The following HPDL variants were observed in gnomAD, a reference collection of about 807,000 sequenced individuals.
HPDL encodes 4-hydroxyphenylpyruvate dioxygenase like, also known as 4-hydroxyphenylpyruvate dioxygenase-like protein.
HPDL carries 7 observed loss-of-function variants against 9.8 expected under a neutral mutation model. The observed-to-expected ratio is 0.71, with a 90% CI of 0.41 to 1.34. The LOEUF (loss-of-function observed/expected upper bound fraction) is 1.34, where lower values mean the gene tolerates loss of function less well. Ranked by LOEUF, HPDL falls within the 40% of genes most tolerant of loss-of-function variation. The probability of loss-of-function intolerance (pLI) is 0.01; values close to 1 mark genes in which losing one functional copy is unlikely to be tolerated. For missense variants in HPDL, 530 were observed against 495.1 expected (o/e 1.07, Z -0.67); for synonymous variants, 250 against 228.2 (o/e 1.10, Z -0.86).
chr1:45,327,468 T>C lies in HPDL; in HGVS notation c.320T>C (p.Val107Ala). The C allele has an allele frequency of 6.3e-7, 1 of 1,591,394 alleles. No individual in the cohort carries two copies. Among genetic ancestry groups the C allele is most frequent in the Non-Finnish European group, 8.5e-7 (1 of 1,175,148 alleles). ...ALGCSVPVPP[V>A]RVRDAQGAAT... is the part of the protein sequence containing the mutation. ...GGCTGCAGCGTGCCTGTCCCTCCCG[T>C]TCGCGTGCGGGACGCGCAGGGTGCC... The change falls in exon 1 of 1, where the codon GTT (valine) becomes GCT (alanine). Residue 107 changes from valine (V) to alanine (A), a missense_variant. By Grantham distance (64) the Val-to-Ala change is moderately conservative (BLOSUM62 0). Coordinates refer to ENST00000334815, the MANE Select transcript of HPDL (RefSeq NM_032756.4). This position sits in a 1 kb window ranked among gnomAD's most constrained non-coding sequence, Gnocchi z 6.3.
rs1644242143 is a variant in HPDL at position 45,327,213 on chromosome 1, C to T, written c.65C>T (p.Ala22Val). Reference sequence around the variant, plus strand: ...CACGTGCCCGCCGGGCAGCCCCTAGCCCGGAACCTGCAGCGCCTCTTCGGC... The same window carrying T: ...CACGTGCCCGCCGGGCAGCCCCTAGTCCGGAACCTGCAGCGCCTCTTCGGC... ...AFHVPAGQPL[A>V]RNLQRLFGFQ... The change falls in exon 1 of 1, where the codon GCC becomes GTC. Residue 22 changes from alanine to valine, a missense_variant. Ala to Val is a moderately conservative substitution (Grantham distance 64). Coordinates refer to ENST00000334815, the MANE Select transcript of HPDL (RefSeq NM_032756.4). The surrounding 1 kb of genome is among the most constrained non-coding windows in gnomAD (Gnocchi z 6.3). 6.2e-7 allele frequency: 1 copy of T among 1,602,282 alleles called. No individual in the cohort carries two copies. Among genetic ancestry groups the T allele is most frequent in the Non-Finnish European group, 8.5e-7 (1 of 1,174,782 alleles).
chr1:45,328,325 T>C lies in HPDL; in HGVS notation c.*61T>C. On this transcript the variant is annotated 3_prime_UTR_variant, in exon 1 of 1. Transcript: ENST00000334815. ...AGCTCTGGGGAGACCAGCACAGAAC[T>C]GAGGAACATCTGCAGGAGGCCCAAC... is the stretch of plus-strand genomic sequence containing the variant. The C allele has an allele frequency of 2.0e-6, 3 of 1,532,530 alleles. No individual in the cohort carries two copies. The highest frequency in any genetic ancestry group is 2.6e-6 in the Non-Finnish European group (3 of 1,134,380). 94.9% of individuals were successfully genotyped at this position (1,532,530 alleles called of 1,614,324 possible).
rs753787033 is a variant in HPDL at position 45,327,402 on chromosome 1, TG to T, written c.256del (p.Ala86ArgfsTer45). 5 of 1,585,542 alleles carry T rather than the reference TG, an allele frequency of 3.2e-6. No homozygotes were observed. Among genetic ancestry groups the T allele is most frequent in the South Asian group, 1.1e-5 (1 of 88,742 alleles). On this transcript the variant is annotated frameshift_variant, in exon 1 of 1. Coordinates refer to ENST00000334815, the MANE Select transcript of HPDL (RefSeq NM_032756.4). LOFTEE classifies it low-confidence loss of function (END_TRUNC). The surrounding 1 kb of genome is among the most constrained non-coding windows in gnomAD (Gnocchi z 6.3). ...AGCGCCACAAACCTGTGCTTCGACGTGGCGGACGCCGGCGCTGCAACCCGGG... is the reference window on the plus strand; with the variant it reads ...AGCGCCACAAACCTGTGCTTCGACGTGCGGACGCCGGCGCTGCAACCCGGG... ...VPSATNLCFD[V>X]ADAGAATREL...
rs754579929 is a variant in HPDL at position 45,327,415 on chromosome 1, C to T, written c.267C>T (p.Gly89=). Residue 89 remains glycine, a synonymous_variant, in exon 1 of 1, where the codon GGC becomes GGT. Coordinates refer to ENST00000334815, the MANE Select transcript of HPDL (RefSeq NM_032756.4). The surrounding 1 kb of genome is among the most constrained non-coding windows in gnomAD (Gnocchi z 6.3). The stretch of plus-strand genomic sequence containing the variant: ...TGTGCTTCGACGTGGCGGACGCCGG[C>T]GCTGCAACCCGGGAGCTGGCAGCGC... ...TNLCFDVADA[G]AATRELAALG... is the part of the protein sequence containing the mutation. 2.0e-5 allele frequency: 31 copies of T among 1,584,444 alleles called. No homozygotes were observed. Among genetic ancestry groups the T allele is most frequent in the Middle Eastern group, 1.7e-4 (1 of 6,008 alleles).
Position 45,327,032 on chromosome 1 carries a change from C to A in HPDL, c.-117C>A, listed in dbSNP as rs1003958739. ...GGAAGAAAGCGAGGAACGCGCTCTG[C>A]GGGGTGAGCCGGACTCCCCAACTCC... On this transcript the variant is annotated 5_prime_UTR_variant, in exon 1 of 1. Transcript: ENST00000334815. This position sits in a 1 kb window ranked among gnomAD's most constrained non-coding sequence, Gnocchi z 6.3. The A allele has an allele frequency of 1.9e-6, 2 of 1,043,018 alleles. No homozygotes were observed. The highest frequency in any genetic ancestry group is 2.6e-6 in the Non-Finnish European group (2 of 768,684). 64.6% of individuals were successfully genotyped at this position (1,043,018 alleles called of 1,614,324 possible).
chr1:45,328,074 G>T lies in HPDL; in HGVS notation c.926G>T (p.Arg309Leu). The T allele has an allele frequency of 6.2e-7, 1 of 1,614,250 alleles. No homozygotes were observed. Among genetic ancestry groups the T allele is most frequent in the Non-Finnish European group, 8.5e-7 (1 of 1,180,036 alleles). The change falls in exon 1 of 1, where the codon CGA (arginine) becomes CTA (leucine). Residue 309 changes from arginine to leucine, a missense_variant. Physicochemically the swap from Arg to Leu is moderately radical, Grantham distance 102. Coordinates refer to ENST00000334815, the MANE Select transcript of HPDL (RefSeq NM_032756.4). ...AAGHEPHLLA[R>L]QGILLDGDKG... The stretch of plus-strand genomic sequence containing the variant: ...GGGCACGAGCCTCATCTGCTTGCTC[G>T]ACAGGGGATCCTGCTAGATGGTGAT...
rs752764598 is a variant in HPDL at position 45,327,242 on chromosome 1, C to T, written c.94C>T (p.Gln32Ter). The change falls in exon 1 of 1, where the codon CAG becomes TAG. Residue 32 changes from glutamine to a stop codon, truncating the protein, a stop_gained. Coordinates refer to ENST00000334815, the MANE Select transcript of HPDL (RefSeq NM_032756.4). LOFTEE classifies it low-confidence loss of function (END_TRUNC). This position sits in a 1 kb window ranked among gnomAD's most constrained non-coding sequence, Gnocchi z 6.3. ...GAACCTGCAGCGCCTCTTCGGCTTC[C>T]AGCCCCTGGCTTCGCGGGAGGTGGA... ...ARNLQRLFGFQPLASREVDGW... is the reference protein window; with the variant it reads ...ARNLQRLFGF 5 of 1,604,926 alleles carry T rather than the reference C, an allele frequency of 3.1e-6. No homozygotes were observed. Among genetic ancestry groups the T allele is most frequent in the Middle Eastern group, 1.6e-4 (1 of 6,068 alleles).
Position 45,328,281 on chromosome 1 carries a change from G to A in HPDL, c.*17G>A, listed in dbSNP as rs368590349. ...GAAGCCTAAGGATGCCCAGGGCTGG[G>A]TGCAGCCAGCTGTCCTGCAGCTCTG... On this transcript the variant is annotated 3_prime_UTR_variant, in exon 1 of 1. Transcript: ENST00000334815. 9.9e-6 allele frequency: 16 copies of A among 1,609,622 alleles called. No individual in the cohort carries two copies. The African/African-American group carries it at 2.1e-4, about 22-fold the overall frequency.
In HPDL at chr1:45,328,119, A is replaced by T; in HGVS notation, c.971A>T (p.Gln324Leu). 6.2e-7 allele frequency: 1 copy of T among 1,614,242 alleles called. No individual in the cohort carries two copies. The highest frequency in any genetic ancestry group is 8.5e-7 in the Non-Finnish European group (1 of 1,180,048). ...LDGDKGKFLLQVFTKSLFTED... is the reference protein window; with the variant it reads ...LDGDKGKFLLLVFTKSLFTED... ...GGTGATAAAGGCAAGTTTCTGCTTC[A>T]GGTCTTCACCAAGTCCCTTTTTACT... Residue 324 changes from glutamine (Q) to leucine (L), a missense_variant, in exon 1 of 1, where the codon CAG becomes CTG. Physicochemically the swap from Gln to Leu is moderately radical, Grantham distance 113. Transcript: ENST00000334815.
chr1:45,326,967 G>A lies in HPDL; in HGVS notation c.-182G>A. 1.8e-6 allele frequency: 1 copy of A among 566,808 alleles called. No individual in the cohort carries two copies. The highest frequency in any genetic ancestry group is 2.8e-6 in the Non-Finnish European group (1 of 352,802). 35.1% of individuals were successfully genotyped at this position (566,808 alleles called of 1,614,324 possible). ...CCTGGCTGGGGTGGCGCTGCAGGGA[G>A]AACCGCGAGCTCTCAGGGGTCGGCG... is the stretch of plus-strand genomic sequence containing the variant. On this transcript the variant is annotated 5_prime_UTR_variant, in exon 1 of 1. Transcript: ENST00000334815.
chr1:45,327,016 C>T lies in HPDL; in HGVS notation c.-133C>T. On this transcript the variant is annotated 5_prime_UTR_variant, in exon 1 of 1. Coordinates refer to ENST00000334815, the MANE Select transcript of HPDL (RefSeq NM_032756.4). This position sits in a 1 kb window ranked among gnomAD's most constrained non-coding sequence, Gnocchi z 6.3. ...CGGGTGACTTCTTTCCGGAAGAAAGCGAGGAACGCGCTCTGCGGGGTGAGC... is the reference window on the plus strand; with the variant it reads ...CGGGTGACTTCTTTCCGGAAGAAAGTGAGGAACGCGCTCTGCGGGGTGAGC... The T allele has an allele frequency of 1.1e-6, 1 of 924,276 alleles. No individual in the cohort carries two copies. The highest frequency in any genetic ancestry group is 1.5e-6 in the Non-Finnish European group (1 of 669,576). The allele number at this position is 924,276 out of a possible 1,614,324, so 57.3% of individuals were successfully genotyped here. A position where few individuals can be genotyped will look rare whatever the true frequency, so the allele number is the denominator to read the frequency against.
chr1:45,327,697 C>T lies in HPDL; in HGVS notation c.549C>T (p.Cys183=). ...SPTLLRWFHD[C]LGFCHLPLSP... is the part of the protein sequence containing the mutation. ...CACTTTTGCGCTGGTTCCACGACTG[C>T]CTGGGCTTTTGCCACTTGCCGCTGA... The change falls in exon 1 of 1, where the codon TGC becomes TGT. Residue 183 remains cysteine, a synonymous_variant. Coordinates refer to ENST00000334815, the MANE Select transcript of HPDL (RefSeq NM_032756.4). The surrounding 1 kb of genome is among the most constrained non-coding windows in gnomAD (Gnocchi z 6.3). 1 of 1,610,578 alleles carries T rather than the reference C, an allele frequency of 6.2e-7. No homozygotes were observed. Among genetic ancestry groups the T allele is most frequent in the Non-Finnish European group, 8.5e-7 (1 of 1,177,840 alleles).
chr1:45,328,584 A>G lies in HPDL; in HGVS notation c.*320A>G, dbSNP rs1438135899. The G allele has an allele frequency of 7.0e-6, 2 of 286,438 alleles. No homozygotes were observed. The highest frequency in any genetic ancestry group is 4.7e-5 in the Admixed American group (1 of 21,312). 17.7% of individuals were successfully genotyped at this position (286,438 alleles called of 1,614,324 possible). On this transcript the variant is annotated 3_prime_UTR_variant, in exon 1 of 1. Coordinates refer to ENST00000334815, the MANE Select transcript of HPDL (RefSeq NM_032756.4). ...CCTCCCTGTGTCCCGCTGTGATTCT[A>G]TTTCCTCCCACCCACTCCTCAAATC... is the stretch of plus-strand genomic sequence containing the variant.
At chr1:45,328,703 AAACAG>A (rs912951230) in exon 1 of HPDL, among the ~76,000 whole-genome samples, 1 of 151,836 alleles carries the variant, frequency 6.6e-6, no homozygotes, top group African/African-American at 2.4e-5. Flanking sequence ...TAGGAATTTA[AAACAG>A]AACAAATCTT....
chr1:45,327,145 C>G lies in HPDL; in HGVS notation c.-4C>G. ...GACAAGTCTAGGTCGCCGTCCAGAG[C>G]GCCATGGCCGCGCCCGCCCTTCGTT... On this transcript the variant is annotated 5_prime_UTR_variant, in exon 1 of 1. Coordinates refer to ENST00000334815, the MANE Select transcript of HPDL (RefSeq NM_032756.4). The surrounding 1 kb of genome is among the most constrained non-coding windows in gnomAD (Gnocchi z 6.3). 1 of 1,546,922 alleles carries G rather than the reference C, an allele frequency of 6.5e-7. No individual in the cohort carries two copies. The highest frequency in any genetic ancestry group is 1.2e-5 in the South Asian group (1 of 82,336).
chr1:45,328,049 G>A lies in HPDL; in HGVS notation c.901G>A (p.Gly301Arg). 2 of 1,614,234 alleles carry A rather than the reference G, an allele frequency of 1.2e-6. No homozygotes were observed. Among genetic ancestry groups the A allele is most frequent in the South Asian group, 1.1e-5 (1 of 91,090 alleles). ...AAAGGAGAGGCAGATCCGAGCTGCA[G>A]GGCACGAGCCTCATCTGCTTGCTCG... ...PGKERQIRAA[G>R]HEPHLLARQG... Residue 301 changes from glycine (G) to arginine (R), a missense_variant, in exon 1 of 1, where the codon GGG becomes AGG. Coordinates refer to ENST00000334815, the MANE Select transcript of HPDL (RefSeq NM_032756.4).
Position 45,327,385 on chromosome 1 carries a change from A to C in HPDL, c.237A>C (p.Thr79=). 2 of 1,586,994 alleles carry C rather than the reference A, an allele frequency of 1.3e-6. No individual in the cohort carries two copies. Among genetic ancestry groups the C allele is most frequent in the Non-Finnish European group, 1.7e-6 (2 of 1,170,830 alleles). The change falls in exon 1 of 1, where the codon ACA becomes ACC. Residue 79 remains threonine, a synonymous_variant. Transcript: ENST00000334815. This position sits in a 1 kb window ranked among gnomAD's most constrained non-coding sequence, Gnocchi z 6.3. ...LDPRHAVPSA[T]NLCFDVADAG... is the part of the protein sequence containing the mutation. The stretch of plus-strand genomic sequence containing the variant: ...CGCGTCACGCCGTGCCCAGCGCCAC[A>C]AACCTGTGCTTCGACGTGGCGGACG...
chr1:45,326,921 C>G lies in HPDL; in HGVS notation c.-228C>G. 1 of 441,264 alleles carries G rather than the reference C, an allele frequency of 2.3e-6. No individual in the cohort carries two copies. The highest frequency in any genetic ancestry group is 3.5e-5 in the East Asian group (1 of 28,788). The allele number at this position is 441,264 out of a possible 1,614,324, so 27.3% of individuals were successfully genotyped here. On this transcript the variant is annotated 5_prime_UTR_variant, in exon 1 of 1. Transcript: ENST00000334815. ...CAACCAGCAGCTCGGCTCACTGAGA[C>G]CCGGTGGTCCAGACGCTGCTCCTGG... is the stretch of plus-strand genomic sequence containing the variant.
Position 45,328,493 on chromosome 1 carries a change from G to T in HPDL, c.*229G>T, listed in dbSNP as rs1644272574. 2.1e-6 allele frequency: 1 copy of T among 483,646 alleles called. No individual in the cohort carries two copies. The highest frequency in any genetic ancestry group is 3.8e-6 in the Non-Finnish European group (1 of 265,236). 30.0% of individuals were successfully genotyped at this position (483,646 alleles called of 1,614,324 possible). On this transcript the variant is annotated 3_prime_UTR_variant, in exon 1 of 1. Transcript: ENST00000334815. Reference sequence around the variant, plus strand: ...CTTATATACAGTCTATAATAAATATGTAAGATACAAAGAACAATAAAAGAA... The same window carrying T: ...CTTATATACAGTCTATAATAAATATTTAAGATACAAAGAACAATAAAAGAA...
Sources: gnomAD v4.1 joint callset for allele counts (sites outside exome capture counted in the v4.1 genomes callset) on GRCh38, gnomAD v4.1.1 for gene constraint, Gnocchi (gnomAD v3.1) non-coding constraint, MANE v1.5 for transcripts, NCBI Gene and HGNC (gene_info 2026-07-23, HGNC 2026-07-21) for gene names.